Variants in CNTNAP5 observed in about 807,000 individuals in gnomAD.
CNTNAP5 encodes the protein contactin associated protein family member 5.
Under a neutral mutation model 150.2 loss-of-function variants are expected in CNTNAP5, and 72 were observed. The ratio of observed to expected loss-of-function variants is 0.48; its 90% CI spans 0.40 to 0.58. The LOEUF (loss-of-function observed/expected upper bound fraction) is 0.58, where lower values mean the gene tolerates loss of function less well. Ranked by LOEUF, CNTNAP5 falls within the 20% of genes least tolerant of loss-of-function variation. CNTNAP5 has a pLI of 0.00. For missense variants in CNTNAP5, 1,636 were observed against 1,626.2 expected, an observed-to-expected ratio of 1.01 and a Z score of -0.10; for synonymous variants, 672 against 619.8, an observed-to-expected ratio of 1.08 and a Z score of -1.25.
intron 11 of CNTNAP5, among the ~76,000 whole-genome samples, chr2:124,608,205 T>C (rs1349545939): frequency 6.6e-6 from 1 of 152,130 alleles, no homozygotes; most frequent in African/African-American, 2.4e-5. Context: ...TGGGAGCCAC[T>C]GAAATGTTTA....
chr2:124,681,234 G>A (rs113358067), intron 13 of CNTNAP5, among the ~76,000 whole-genome samples: 3,243 of 151,462 alleles, frequency 0.021, 52 homozygotes, highest in Middle Eastern at 0.037. Context: ...CCTGGAAGGC[G>A]GAGGTTGTAG....
intron 11 of CNTNAP5, among the ~76,000 whole-genome samples, chr2:124,593,181 T>A (rs1473393964): frequency 2.7e-5 from 4 of 148,038 alleles, no homozygotes; most frequent in Admixed American, 6.8e-5. Flanking sequence ...CATGTGCACA[T>A]AGTGCAGGTT....
chr2:124,864,253 A>T (rs936220334), intron 19 of CNTNAP5, among the ~76,000 whole-genome samples: 4 of 152,196 alleles, frequency 2.6e-5, no homozygotes, highest in African/African-American at 9.7e-5. Context: ...ATACTTGTAT[A>T]TATTTATAAG....
chr2:124,701,736 G>C (rs376429507), intron 13 of CNTNAP5, among the ~76,000 whole-genome samples: 2 of 151,992 alleles, frequency 1.3e-5, no homozygotes, highest in Admixed American at 1.3e-4. Flanking sequence ...ATCTCATAGT[G>C]GTTTTGATTT....
intron 13 of CNTNAP5, among the ~76,000 whole-genome samples, chr2:124,695,283 A>G (rs757912395): frequency 6.6e-6 from 1 of 152,208 alleles, no homozygotes; most frequent in Non-Finnish European, 1.5e-5. Context: ...GATATAAACA[A>G]TCTCAAGATC....
At chr2:124,751,057 G>A (rs1680716631) in intron 14 of CNTNAP5, among the ~76,000 whole-genome samples, 1 of 151,828 alleles carries the variant, frequency 6.6e-6, no homozygotes, top group South Asian at 2.1e-4. Flanking sequence ...GAAATACATG[G>A]GTTTAAAAAA....
chr2:124,498,252 G>A (rs917528421), intron 7 of CNTNAP5, among the ~76,000 whole-genome samples: 1 of 152,124 alleles, frequency 6.6e-6, no homozygotes, highest in Non-Finnish European at 1.5e-5. Context: ...CCCTGAACTG[G>A]CACCTGTCTA....
At chr2:124,622,070 A>G (rs1221109919) in intron 12 of CNTNAP5, among the ~76,000 whole-genome samples, 5 of 152,052 alleles carry the variant, frequency 3.3e-5, no homozygotes, top group African/African-American at 9.7e-5. Flanking sequence ...TCACCTAGAT[A>G]TTAAGCCCAG....
intron 7 of CNTNAP5, among the ~76,000 whole-genome samples, chr2:124,491,315 T>C (rs1226916716): frequency 6.6e-6 from 1 of 152,178 alleles, no homozygotes; most frequent in African/African-American, 2.4e-5. Flanking sequence ...ATGTCTGGTT[T>C]ATTTAACTCA....
chr2:124,326,242 A>G (rs1428872365), intron 3 of CNTNAP5, among the ~76,000 whole-genome samples: 1 of 152,184 alleles, frequency 6.6e-6, no homozygotes, highest in Non-Finnish European at 1.5e-5. Flanking sequence ...CTCATAAGCC[A>G]TGTGCATGGC....
intron 1 of CNTNAP5, among the ~76,000 whole-genome samples, chr2:124,169,032 G>A (rs1023752538): frequency 1.3e-5 from 2 of 152,002 alleles, no homozygotes; most frequent in Non-Finnish European, 2.9e-5. Flanking sequence ...AGAATCAGTA[G>A]GCTAGCTATT....
At chr2:124,783,818 A>G (rs1292820048) in intron 17 of CNTNAP5, among the ~76,000 whole-genome samples, 2 of 152,120 alleles carry the variant, frequency 1.3e-5, no homozygotes, top group African/African-American at 2.4e-5. Context: ...GTATTATTAA[A>G]TAGTGTATGT....
intron 21 of CNTNAP5, among the ~76,000 whole-genome samples, chr2:124,877,874 C>T (rs1183230702): frequency 1.3e-5 from 2 of 151,996 alleles, no homozygotes; most frequent in Admixed American, 6.6e-5. Context: ...TTCATAATAT[C>T]TTTCTGTATG....
At chr2:124,385,757 T>A (rs933606113) in intron 3 of CNTNAP5, among the ~76,000 whole-genome samples, 1 of 152,206 alleles carries the variant, frequency 6.6e-6, no homozygotes, top group Non-Finnish European at 1.5e-5. Flanking sequence ...AATAATCATA[T>A]ATATTCTTAG....
At chr2:124,431,610 ATTTC>A (rs1403211991) in intron 4 of CNTNAP5, among the ~76,000 whole-genome samples, 2 of 145,908 alleles carry the variant, frequency 1.4e-5, no homozygotes, top group African/African-American at 2.5e-5. Flanking sequence ...ATTATATATA[ATTTC>A]TTTATATAAA....
chr2:124,339,437 G>A (rs1370894910), intron 3 of CNTNAP5, among the ~76,000 whole-genome samples: 3 of 152,150 alleles, frequency 2.0e-5, no homozygotes, highest in African/African-American at 7.2e-5. Flanking sequence ...AAGAAAAAGA[G>A]ACAGCTGACT....
intron 1 of CNTNAP5, among the ~76,000 whole-genome samples, chr2:124,199,726 G>C (rs1282188661): frequency 3.9e-5 from 6 of 152,028 alleles, no homozygotes; most frequent in Admixed American, 2.0e-4. Context: ...GTATTCTAAA[G>C]TTCTTAAAGC....
At chr2:124,774,611 A>G (rs538189656) in intron 17 of CNTNAP5, among the ~76,000 whole-genome samples, 1 of 152,282 alleles carries the variant, frequency 6.6e-6, no homozygotes, top group South Asian at 2.1e-4. Flanking sequence ...TCACATTTTG[A>G]TGGGTGACTT....
At chr2:124,520,653 C>T (rs1447162639) in intron 8 of CNTNAP5, among the ~76,000 whole-genome samples, 1 of 152,172 alleles carries the variant, frequency 6.6e-6, no homozygotes, top group Admixed American at 6.5e-5. Flanking sequence ...TAGGCCTCAG[C>T]CCCTATATCA....
Sources: allele counts gnomAD v4.1 joint callset (sites outside exome capture counted in the v4.1 genomes callset), GRCh38; gene constraint gnomAD v4.1.1; transcripts MANE v1.5; gene names NCBI Gene and HGNC (gene_info 2026-07-23, HGNC 2026-07-21).